The following XIRP2 variants were observed in gnomAD, a reference collection of about 807,000 sequenced individuals.
The protein encoded by XIRP2 is xin actin binding repeat containing 2, also known as xin actin-binding repeat-containing protein 2.
XIRP2 carries 236 observed loss-of-function variants against 277.0 expected under a neutral mutation model. The observed-to-expected ratio is 0.85, with a 90% CI of 0.77 to 0.95. The LOEUF is 0.95. XIRP2 is among the 40% of genes least tolerant of loss of function. XIRP2 has a pLI of 0.00. For synonymous variants in XIRP2, 1,490 were observed against 1,416.5 expected (o/e 1.05, Z -1.17); for missense variants, 4,640 against 4,157.5 (o/e 1.12, Z -3.19).
At chr2:167,058,078 T>C (rs1482310884) in intron 2 of XIRP2, among the ~76,000 whole-genome samples, 1 of 147,448 alleles carries the variant, frequency 6.8e-6, no homozygotes, top group Admixed American at 6.9e-5. Context: ...TATTTTATTT[T>C]TTGAGACAGA....
In XIRP2 at chr2:167,139,024, G is replaced by A. The variant is rs563026706; in HGVS notation, c.562+2962G>A. On this transcript the variant is annotated intron_variant, in intron 3 of 10. Transcript: ENST00000409195. ...GGAGGCTTCAGTGAGCCGAGATGGC[G>A]CCACTGCACTCCAGGCTGGCCAACA... Among the ~76,000 whole-genome samples, 7 of 151,860 alleles carry A rather than the reference G, an allele frequency of 4.6e-5. No individual in the cohort carries two copies. In the East Asian group the frequency reaches 5.8e-4, roughly 13 times the overall value.
chr2:167,078,137 G>A (rs944933209), intron 2 of XIRP2, among the ~76,000 whole-genome samples: 19 of 152,234 alleles, frequency 1.2e-4, no homozygotes, highest in East Asian at 5.8e-4. Flanking sequence ...ATTTGTCTGC[G>A]TCATCTATAA....
chr2:167,208,617 T>A (rs1310458249), intron 3 of XIRP2, among the ~76,000 whole-genome samples: 1 of 152,106 alleles, frequency 6.6e-6, no homozygotes, highest in African/African-American at 2.4e-5. Flanking sequence ...TGAGAGTCTT[T>A]TCTATGATGG....
At chr2:167,136,683 G>A (rs1222281626) in intron 3 of XIRP2, among the ~76,000 whole-genome samples, 1 of 152,024 alleles carries the variant, frequency 6.6e-6, no homozygotes, top group Admixed American at 6.6e-5. Context: ...ATAACTTATT[G>A]GAAAATACAG....
chr2:167,103,425 C>T (rs528813373), intron 2 of XIRP2, among the ~76,000 whole-genome samples: 33 of 152,256 alleles, frequency 2.2e-4, no homozygotes, highest in African/African-American at 7.2e-4. Flanking sequence ...CTTGTTGCTG[C>T]TCTTTGGCTT....
chr2:166,934,209 A>AC (rs1185801233), intron 2 of XIRP2, among the ~76,000 whole-genome samples: 3 of 150,992 alleles, frequency 2.0e-5, no homozygotes, highest in Non-Finnish European at 4.4e-5. Flanking sequence ...AAAAAAAAAA[A>AC]AAAAACAAAA....
At chr2:167,118,566 C>T (rs1229989716) in intron 2 of XIRP2, among the ~76,000 whole-genome samples, 1 of 150,298 alleles carries the variant, frequency 6.7e-6, no homozygotes, top group East Asian at 1.9e-4. Flanking sequence ...TTCCTTTTTG[C>T]CCTTGCGCCT....
chr2:166,981,607 C>T (rs1483907390), intron 2 of XIRP2, among the ~76,000 whole-genome samples: 1 of 151,906 alleles, frequency 6.6e-6, no homozygotes, highest in Non-Finnish European at 1.5e-5. Flanking sequence ...CACCGTGTTG[C>T]CCAGGCTGGT....
intron 3 of XIRP2, among the ~76,000 whole-genome samples, chr2:167,140,362 A>G (rs1187263501): frequency 6.6e-6 from 1 of 152,210 alleles, no homozygotes; most frequent in Admixed American, 6.5e-5. Context: ...AACAAAGTTA[A>G]ATGAAATGGT....
intron 1 of XIRP2, among the ~76,000 whole-genome samples, chr2:166,893,650 T>C: frequency 6.6e-6 from 1 of 152,266 alleles, no homozygotes; most frequent in East Asian, 1.9e-4. Context: ...TTAAAGAATA[T>C]TCTTCTATTA....
intron 4 of XIRP2, among the ~76,000 whole-genome samples, chr2:167,214,204 G>A (rs1198969647): frequency 1.2e-5 from 1 of 84,612 alleles, no homozygotes; most frequent in African/African-American, 8.2e-5. Context: ...GAGAGAGAAA[G>A]AGAGGGAGGG....
At chr2:166,963,176 A>C (rs1036271903) in intron 2 of XIRP2, among the ~76,000 whole-genome samples, 2 of 151,824 alleles carry the variant, frequency 1.3e-5, no homozygotes, top group Non-Finnish European at 2.9e-5. Context: ...ATTCTAAAAA[A>C]TAAAAATAAA....
At chr2:167,023,253 C>T (rs1211987306) in intron 2 of XIRP2, among the ~76,000 whole-genome samples, 2 of 152,084 alleles carry the variant, frequency 1.3e-5, no homozygotes, top group African/African-American at 4.8e-5. Flanking sequence ...TAAATGTCTT[C>T]TTTTGAGAAG....
intron 2 of XIRP2, among the ~76,000 whole-genome samples, chr2:167,125,670 G>A (rs769048079): frequency 4.6e-5 from 7 of 152,062 alleles, no homozygotes; most frequent in African/African-American, 9.7e-5. Flanking sequence ...CTCATTTTTC[G>A]TATTTCTGAG....
intron 3 of XIRP2, among the ~76,000 whole-genome samples, chr2:167,137,819 A>G (rs143592779): frequency 7.2e-5 from 11 of 152,296 alleles, no homozygotes; most frequent in South Asian, 2.1e-4. Context: ...TTTTATCTGT[A>G]TATTGCACAA....
At chr2:167,090,466 G>A (rs745816145) in intron 2 of XIRP2, among the ~76,000 whole-genome samples, 8 of 151,956 alleles carry the variant, frequency 5.3e-5, no homozygotes, top group Non-Finnish European at 1.2e-4. Context: ...GTGTCTGATG[G>A]TAATATATGC....
chr2:166,932,739 T>G (rs564516859), intron 2 of XIRP2, among the ~76,000 whole-genome samples: 5 of 152,302 alleles, frequency 3.3e-5, no homozygotes, highest in Admixed American at 6.5e-5. Flanking sequence ...GATCCAGATT[T>G]TGTTTCCATA....
intron 3 of XIRP2, among the ~76,000 whole-genome samples, chr2:167,200,293 G>A (rs1046696349): frequency 6.6e-6 from 1 of 152,302 alleles, no homozygotes; most frequent in Non-Finnish European, 1.5e-5. Context: ...CACCTGGGCT[G>A]GTCTAGGTCA....
intron 2 of XIRP2, among the ~76,000 whole-genome samples, chr2:167,010,539 A>C (rs1461350660): frequency 6.6e-6 from 1 of 151,944 alleles, no homozygotes; most frequent in African/African-American, 2.4e-5. Context: ...CTTAGGATTG[A>C]CTTGGCAATG....
Sources: allele counts gnomAD v4.1 joint callset (sites outside exome capture counted in the v4.1 genomes callset), GRCh38; gene constraint gnomAD v4.1.1; transcripts MANE v1.5; gene names NCBI Gene and HGNC (gene_info 2026-07-23, HGNC 2026-07-21).